Variants in TBX1 observed in about 807,000 individuals in gnomAD.
TBX1 encodes T-box transcription factor 1.
In TBX1, 16 loss-of-function variants were observed where a neutral mutation model predicts 40.8. The ratio of observed to expected loss-of-function variants is 0.39; its 90% CI spans 0.27 to 0.60. The LOEUF (loss-of-function observed/expected upper bound fraction) is 0.60. Among genes scored for constraint, TBX1 ranks in the 20% least tolerant of loss-of-function variants. The pLI, the probability that TBX1 is intolerant of heterozygous loss-of-function variation, is 0.51. For missense variants in TBX1, 755 were observed against 728.5 expected, an observed-to-expected ratio of 1.04 and a Z score of -0.42; for synonymous variants, 403 against 336.8, an observed-to-expected ratio of 1.20 and a Z score of -2.15.
intron 8 of TBX1, among the ~76,000 whole-genome samples, chr22:19,775,371 A>G (rs985511672): frequency 3.9e-5 from 6 of 152,220 alleles, no homozygotes; most frequent in African/African-American, 1.4e-4. Flanking sequence ...CTGGGATTAC[A>G]GGAGTGAGGC....
At chr22:19,756,858 G>C (rs936010736), upstream of TBX1, 3 of 152,780 alleles carry the variant, frequency 2.0e-5, no homozygotes, top group African/African-American at 7.2e-5. Context: ...TCCGGGCTGC[G>C]GGAGGGCACG....
Position 19,766,426 on chromosome 22 carries a change from G to A in TBX1, c.1074G>A (p.Ala358=), listed in dbSNP as rs1955908101. 2 of 1,343,728 alleles carry A rather than the reference G, an allele frequency of 1.5e-6. No homozygotes were observed. Among genetic ancestry groups the A allele is most frequent in the African/African-American group, 1.5e-5 (1 of 65,332 alleles). The allele number at this position is 1,343,728 out of a possible 1,614,324, so 83.2% of individuals were successfully genotyped here. Residue 358 remains alanine, a synonymous_variant, in exon 7 of 7, where the codon GCG becomes GCA. Coordinates refer to ENST00000649276, the MANE Select transcript of TBX1 (RefSeq NM_001379200.1). Reference sequence around the variant, plus strand: ...CCCGGCGAGAATTCCAGCGCGACGCGGGCGGGCCAGCAGTGCTCGGGGACC... The same window carrying A: ...CCCGGCGAGAATTCCAGCGCGACGCAGGCGGGCCAGCAGTGCTCGGGGACC... The part of the protein sequence containing the change: ...AEARREFQRD[A]GGPAVLGDPA...
chr22:19,764,533 C>A (rs540329697), intron 3 of TBX1, among the ~76,000 whole-genome samples: 2 of 152,222 alleles, frequency 1.3e-5, no homozygotes, highest in African/African-American at 4.8e-5. Context: ...ATGAGGAGAG[C>A]GGCCTCTGGT....
downstream of TBX1, chr22:19,779,634 A>C: frequency 9.6e-7 from 1 of 1,045,822 alleles, no homozygotes; most frequent in African/African-American, 1.6e-5. Context: ...TTAAACATTG[A>C]CTGTAAACTC....
At chr22:19,766,137 G>A (rs1472117989) in intron 6 of TBX1, 135 bp downstream of exon 6, 1 of 838,642 alleles carries the variant, frequency 1.2e-6, no homozygotes, top group Non-Finnish European at 1.5e-6. Flanking sequence ...CCGCGGCGGC[G>A]GGCAAGCGCG....
Position 19,767,118 on chromosome 22 carries a change from G to T in TBX1, c.*251G>T. On this transcript the variant is annotated 3_prime_UTR_variant, in exon 7 of 7. Transcript: ENST00000649276. Reference sequence around the variant, plus strand: ...TTCCCCGGCCCCGAGGGCCAAGGGGGTCCCCGCCCGCCAGTGCCAAAGCGC... The same window carrying T: ...TTCCCCGGCCCCGAGGGCCAAGGGGTTCCCCGCCCGCCAGTGCCAAAGCGC... The T allele has an allele frequency of 8.0e-7, 1 of 1,243,530 alleles. No homozygotes were observed. Among genetic ancestry groups the T allele is most frequent in the Non-Finnish European group, 1.0e-6 (1 of 994,968 alleles). The allele number at this position is 1,243,530 out of a possible 1,614,324, so 77.0% of individuals were successfully genotyped here. A position where few individuals can be genotyped will look rare whatever the true frequency, so the allele number is the denominator to read the frequency against.
upstream of TBX1, among the ~76,000 whole-genome samples, chr22:19,757,794 T>C (rs1936520150): frequency 2.0e-5 from 3 of 152,322 alleles, no homozygotes; most frequent in South Asian, 6.2e-4. Context: ...CACTCCTCAC[T>C]GGACTTGTCC....
At chr22:19,765,627 T>C (rs1936806852) in intron 4 of TBX1, 131 bp from the exon 5 acceptor site, 5 of 989,108 alleles carry the variant, frequency 5.1e-6, no homozygotes, top group Non-Finnish European at 7.6e-6. Context: ...GGGGCAGACG[T>C]GGACTGGTTC....
chr22:19,758,266 G>A (rs1202077713), upstream of TBX1, among the ~76,000 whole-genome samples: 2 of 152,190 alleles, frequency 1.3e-5, no homozygotes, highest in African/African-American at 4.8e-5. Context: ...TATACAGAGA[G>A]GCCTTGCAAA....
downstream of TBX1, among the ~76,000 whole-genome samples, chr22:19,767,628 C>G (rs1936909051): frequency 6.6e-6 from 1 of 152,254 alleles, no homozygotes; most frequent in Non-Finnish European, 1.5e-5. Flanking sequence ...GGTGGTACCG[C>G]CCAGGTGTGC....
chr22:19,770,752 C>T (rs1403080706), downstream of TBX1, among the ~76,000 whole-genome samples: 4 of 152,178 alleles, frequency 2.6e-5, no homozygotes, highest in African/African-American at 9.7e-5. Context: ...TCAAAGCACC[C>T]GCATACCAGA....
upstream of TBX1, chr22:19,759,420 G>C (rs146999885): frequency 1.6e-6 from 2 of 1,280,798 alleles, no homozygotes; most frequent in Admixed American, 4.0e-5. Context: ...GACTCCGTGG[G>C]CTGGGCTGGG....
downstream of TBX1, among the ~76,000 whole-genome samples, chr22:19,771,428 A>G (rs1206260457): frequency 1.3e-5 from 2 of 152,246 alleles, no homozygotes; most frequent in Non-Finnish European, 2.9e-5. Context: ...AACCGCTGCC[A>G]GGTCTGTGTG....
chr22:19,762,464 G>C (rs1472375776), intron 1 of TBX1, among the ~76,000 whole-genome samples: 3 of 152,234 alleles, frequency 2.0e-5, no homozygotes, highest in African/African-American at 4.8e-5. Flanking sequence ...GCCATCATGT[G>C]GGGGTAGCCC....
chr22:19,768,422 G>A (rs1456174977), downstream of TBX1, among the ~76,000 whole-genome samples: 1 of 152,194 alleles, frequency 6.6e-6, no homozygotes, highest in African/African-American at 2.4e-5. Context: ...GGCCAGTCTA[G>A]GGTGGGAGGG....
At chr22:19,759,420 G>T (rs146999885), upstream of TBX1, 9 of 1,280,798 alleles carry the variant, frequency 7.0e-6, no homozygotes, top group African/African-American at 1.4e-4. Flanking sequence ...GACTCCGTGG[G>T]CTGGGCTGGG....
At chr22:19,759,325 A>C (rs943141533), upstream of TBX1, among the ~76,000 whole-genome samples, 1 of 152,170 alleles carries the variant, frequency 6.6e-6, no homozygotes, top group Non-Finnish European at 1.5e-5. Flanking sequence ...GGCTGCTACC[A>C]GCCCCAAGTG....
chr22:19,776,539 C>G (rs1937067679), intron 8 of TBX1, among the ~76,000 whole-genome samples: 1 of 152,168 alleles, frequency 6.6e-6, no homozygotes. Flanking sequence ...CGGGCCACCC[C>G]AGGGCCAGGC....
chr22:19,759,462 G>A (rs968252385), upstream of TBX1: 5 of 1,424,624 alleles, frequency 3.5e-6, no homozygotes, highest in Admixed American at 2.9e-5. Context: ...ACACGCAGTC[G>A]GAGGCGGCGC....
Sources: allele counts gnomAD v4.1 joint callset (sites outside exome capture counted in the v4.1 genomes callset), GRCh38; gene constraint gnomAD v4.1.1; transcripts MANE v1.5; gene names NCBI Gene and HGNC (gene_info 2026-07-23, HGNC 2026-07-21).